The following TAS2R1 variants were observed in gnomAD, a reference collection of about 807,000 sequenced individuals.
TAS2R1 encodes taste 2 receptor member 1, also known as taste receptor type 2 member 1.
For missense variants in TAS2R1, 370 were observed against 353.4 expected, an observed-to-expected ratio of 1.05 and a Z score of -0.38; for synonymous variants, 141 against 134.2, an observed-to-expected ratio of 1.05 and a Z score of -0.35.
intron 1 of TAS2R1, among the ~76,000 whole-genome samples, chr5:9,661,543 A>T (rs1740532668): frequency 6.6e-6 from 1 of 152,224 alleles, no homozygotes; most frequent in Admixed American, 6.5e-5. Flanking sequence ...CAACATCGCA[A>T]TCTGGTTCTA....
chr5:9,743,531 C>A, the TAS2R1 span, among the ~76,000 whole-genome samples: 1 of 152,200 alleles, frequency 6.6e-6, no homozygotes, highest in Non-Finnish European at 1.5e-5. Flanking sequence ...AATCAAACAT[C>A]CCATTGTTGA....
the TAS2R1 span, among the ~76,000 whole-genome samples, chr5:9,764,783 TAAAG>T: frequency 6.6e-6 from 1 of 152,296 alleles, no homozygotes; most frequent in South Asian, 2.1e-4. Context: ...AAGCCATGTC[TAAAG>T]AAAGAGCCTG....
intron 1 of TAS2R1, among the ~76,000 whole-genome samples, chr5:9,697,977 A>T (rs575151492): frequency 4.6e-4 from 70 of 152,218 alleles, no homozygotes; most frequent in Non-Finnish European, 7.1e-4. Context: ...AAAATTATTT[A>T]AAAAATTTCT....
the TAS2R1 span, among the ~76,000 whole-genome samples, chr5:9,837,992 G>A: frequency 1.3e-5 from 2 of 152,206 alleles, no homozygotes. Flanking sequence ...GTGAGTCCCA[G>A]CATTGCTTCC....
intron 2 of TAS2R1, among the ~76,000 whole-genome samples, chr5:9,646,954 T>A (rs955979049): frequency 6.6e-6 from 1 of 152,186 alleles, no homozygotes; most frequent in Non-Finnish European, 1.5e-5. Flanking sequence ...ACTATTACTA[T>A]GCAAACTATG....
the TAS2R1 span, among the ~76,000 whole-genome samples, chr5:9,725,683 C>T: frequency 6.7e-6 from 1 of 148,346 alleles, no homozygotes; most frequent in Non-Finnish European, 1.5e-5. Flanking sequence ...GCGCCCAGCC[C>T]CACCGACCAC....
intron 2 of TAS2R1, among the ~76,000 whole-genome samples, chr5:9,649,687 T>G (rs1283973595): frequency 6.6e-6 from 1 of 152,210 alleles, no homozygotes; most frequent in African/African-American, 2.4e-5. Context: ...AAAAATGCAT[T>G]AAAAGTGGAG....
chr5:9,651,109 A>G (rs1445769177), intron 2 of TAS2R1, among the ~76,000 whole-genome samples: 2 of 152,030 alleles, frequency 1.3e-5, no homozygotes, highest in African/African-American at 4.8e-5. Flanking sequence ...AAGTTTCAAA[A>G]GACTGTGCTG....
chr5:9,776,583 G>A, the TAS2R1 span, among the ~76,000 whole-genome samples: 5 of 152,128 alleles, frequency 3.3e-5, no homozygotes, highest in African/African-American at 1.2e-4. Context: ...GGAGATTCAA[G>A]TGGGCCTTTA....
chr5:9,662,967 G>A (rs1740567002), intron 1 of TAS2R1, among the ~76,000 whole-genome samples: 1 of 151,558 alleles, frequency 6.6e-6, no homozygotes, highest in African/African-American at 2.4e-5. Flanking sequence ...TCATTTCTTT[G>A]TAATTCAAAG....
chr5:9,780,115 C>T, the TAS2R1 span, among the ~76,000 whole-genome samples: 2 of 152,168 alleles, frequency 1.3e-5, no homozygotes. Flanking sequence ...AGATCATTTC[C>T]TTTGACATAG....
intron 1 of TAS2R1, among the ~76,000 whole-genome samples, chr5:9,692,895 A>T (rs1034883312): frequency 2.0e-5 from 3 of 152,134 alleles, no homozygotes; most frequent in African/African-American, 7.2e-5. Flanking sequence ...TTTATTCACC[A>T]AGGAAGATGA....
At chr5:9,693,524 CA>C (rs35262775) in intron 1 of TAS2R1, among the ~76,000 whole-genome samples, 1,050 of 33,094 alleles carry the variant, frequency 0.032, 1 homozygote, top group East Asian at 0.099. Flanking sequence ...AACTCCATCT[CA>C]AAAAAAAAAA....
chr5:9,683,983 T>C (rs1164776989), intron 1 of TAS2R1, among the ~76,000 whole-genome samples: 1 of 152,126 alleles, frequency 6.6e-6, no homozygotes, highest in Non-Finnish European at 1.5e-5. Context: ...TGAAAATTAA[T>C]GCAGGGATTA....
the TAS2R1 span, among the ~76,000 whole-genome samples, chr5:9,782,389 G>T: frequency 7.4e-6 from 1 of 135,756 alleles, no homozygotes. Flanking sequence ...ACTCCACTCT[G>T]CCTTTTCCCC....
intron 1 of TAS2R1, among the ~76,000 whole-genome samples, chr5:9,688,526 C>G (rs1025523348): frequency 2.6e-5 from 4 of 152,116 alleles, no homozygotes; most frequent in South Asian, 2.1e-4. Context: ...GATGGATTAT[C>G]GAGGCTGAAT....
At chr5:9,800,416 C>A in the TAS2R1 span, among the ~76,000 whole-genome samples, 3 of 152,090 alleles carry the variant, frequency 2.0e-5, no homozygotes, top group Non-Finnish European at 2.9e-5. Context: ...AATACAGCAG[C>A]CTTTGTGGTG....
chr5:9,725,446 G>A, the TAS2R1 span, among the ~76,000 whole-genome samples: 2 of 152,208 alleles, frequency 1.3e-5, no homozygotes, highest in Admixed American at 1.3e-4. Flanking sequence ...TGGGCAATGA[G>A]GGGCTTAGCA....
At chr5:9,869,462 A>G in the TAS2R1 span, among the ~76,000 whole-genome samples, 1 of 152,100 alleles carries the variant, frequency 6.6e-6, no homozygotes, top group South Asian at 2.1e-4. Context: ...CAGGAAAACC[A>G]ATTCCCATGA....
Sources: gnomAD v4.1 joint callset for allele counts (sites outside exome capture counted in the v4.1 genomes callset) on GRCh38, gnomAD v4.1.1 for gene constraint, MANE v1.5 for transcripts, NCBI Gene and HGNC (gene_info 2026-07-23, HGNC 2026-07-21) for gene names.